Variants in TMPRSS15 observed in about 807,000 individuals in gnomAD.
TMPRSS15 encodes the protein enteropeptidase.
TMPRSS15 carries 128 observed loss-of-function variants against 125.3 expected under a neutral mutation model. The ratio of observed to expected loss-of-function variants is 1.02; its 90% confidence interval spans 0.89 to 1.18. The LOEUF is 1.18. Among genes scored for constraint, TMPRSS15 ranks in the 50% most tolerant of loss-of-function variants. The probability of loss-of-function intolerance (pLI) is 0.00; values close to 1 mark genes in which losing one functional copy is unlikely to be tolerated. For synonymous variants in TMPRSS15, 446 were observed against 423.2 expected, an observed-to-expected ratio of 1.05 and a Z score of -0.66; for missense variants, 1,283 against 1,212.7, an observed-to-expected ratio of 1.06 and a Z score of -0.86.
intron 6 of TMPRSS15, among the ~76,000 whole-genome samples, chr21:18,371,049 G>C (rs1400521015): frequency 2.0e-5 from 3 of 152,026 alleles, no homozygotes; most frequent in African/African-American, 7.2e-5. Context: ...ATATCAGTTA[G>C]ACTTATCCAA....
intron 1 of TMPRSS15, among the ~76,000 whole-genome samples, chr21:18,473,520 T>C: frequency 6.6e-6 from 1 of 152,236 alleles, no homozygotes; most frequent in East Asian, 1.9e-4. Context: ...TATAATATTT[T>C]ACTTTACTAC....
Position 18,403,458 on chromosome 21 carries a change from G to A in TMPRSS15, c.145+20C>T. On this transcript the variant is annotated intron_variant, in intron 1 of 24. Coordinates refer to ENST00000284885, the MANE Select transcript of TMPRSS15 (RefSeq NM_002772.3). ...CATTCAGCTGAGAGCACCTTCACGA[G>A]CCAACTCCATGTGACTTACCTCGTT... The A allele has an allele frequency of 6.2e-7, 1 of 1,614,062 alleles. No homozygotes were observed. The highest frequency in any genetic ancestry group is 1.3e-5 in the African/African-American group (1 of 75,038).
chr21:18,367,287 T>C (rs567361884), intron 6 of TMPRSS15, among the ~76,000 whole-genome samples: 2 of 152,328 alleles, frequency 1.3e-5, no homozygotes, highest in East Asian at 3.9e-4. Context: ...GCCTTATGCA[T>C]AATGATTACT....
At chr21:18,415,525 TG>T (rs1184740120) in intron 1 of TMPRSS15, among the ~76,000 whole-genome samples, 3 of 152,126 alleles carry the variant, frequency 2.0e-5, no homozygotes, top group African/African-American at 7.2e-5. Context: ...GTTTGATTTT[TG>T]TGAGTGGTGT....
At position 18,361,430 on chromosome 21, in the gene TMPRSS15, T is replaced by C. The variant is rs770056360; in HGVS notation, c.774-1567A>G. 2.6e-5 allele frequency among the ~76,000 whole-genome samples: 4 copies of C among 152,126 alleles called. No individual in the cohort carries two copies. In the South Asian group the frequency reaches 8.3e-4, roughly 31 times the overall value. On this transcript the variant is annotated intron_variant, in intron 7 of 24. Transcript: ENST00000284885. ...CCCAGGAAAGGATTAAAAAGGCTAG[T>C]AATACTTAAGAGATTTAGTTTCCAA... is the stretch of plus-strand genomic sequence containing the variant.
chr21:18,403,890 C>T (rs1373458605), upstream of TMPRSS15, among the ~76,000 whole-genome samples: 4 of 152,144 alleles, frequency 2.6e-5, no homozygotes, highest in Non-Finnish European at 5.9e-5. Context: ...ACTACCTGAA[C>T]AGGCCATTTG....
intron 1 of TMPRSS15, among the ~76,000 whole-genome samples, chr21:18,430,100 T>C (rs2076213309): frequency 6.6e-6 from 1 of 152,202 alleles, no homozygotes; most frequent in Non-Finnish European, 1.5e-5. Context: ...TTAGCATCAG[T>C]CTTTGTGAAA....
At chr21:18,277,212 T>C (rs1469474759) in intron 23 of TMPRSS15, among the ~76,000 whole-genome samples, 1 of 152,180 alleles carries the variant, frequency 6.6e-6, no homozygotes. Flanking sequence ...TACAGTTTAT[T>C]TCCTGGCTCC....
chr21:18,394,101 T>C (rs1386390485), intron 3 of TMPRSS15, among the ~76,000 whole-genome samples: 2 of 152,172 alleles, frequency 1.3e-5, no homozygotes, highest in South Asian at 2.1e-4. Context: ...CTCTTTAATA[T>C]ATGTTTTGCC....
At chr21:18,378,324 T>G (rs971249738) in intron 5 of TMPRSS15, among the ~76,000 whole-genome samples, 1 of 151,348 alleles carries the variant, frequency 6.6e-6, no homozygotes, top group Non-Finnish European at 1.5e-5. Context: ...CTTTCTTTTG[T>G]TTTTTGTCAA....
intron 1 of TMPRSS15, among the ~76,000 whole-genome samples, chr21:18,452,110 G>C (rs1978348791): frequency 6.6e-6 from 1 of 152,000 alleles, no homozygotes; most frequent in South Asian, 2.1e-4. Flanking sequence ...TGTGTTCTTG[G>C]GGAGATATTA....
In TMPRSS15 at chr21:18,306,868, T is replaced by C. The variant is rs554879826; in HGVS notation, c.2165+6077A>G. Among the ~76,000 whole-genome samples the C allele has an allele frequency of 8.5e-5, 13 of 152,242 alleles. No homozygotes were observed. The South Asian group carries it at 2.5e-3, about 29-fold the overall frequency. ...AAAGACATGAAAATGTTATTCAAGG[T>C]ACTTTTTATTTATGCATGTAATGAA... On this transcript the variant is annotated intron_variant, in intron 18 of 24. Transcript: ENST00000284885.
intron 1 of TMPRSS15, among the ~76,000 whole-genome samples, chr21:18,461,314 C>A (rs1978546901): frequency 6.6e-6 from 1 of 152,116 alleles, no homozygotes; most frequent in Admixed American, 6.6e-5. Context: ...ATTTTAGTCA[C>A]TTGAAGAAAT....
chr21:18,343,588 T>C lies in TMPRSS15; in HGVS notation c.1346A>G (p.Lys449Arg). 6.2e-7 allele frequency: 1 copy of C among 1,613,090 alleles called. No individual in the cohort carries two copies. The highest frequency in any genetic ancestry group is 1.3e-5 in the African/African-American group (1 of 75,038). The change falls in exon 12 of 25, where the codon AAG becomes AGG. Residue 449 changes from lysine to arginine, a missense_variant. Physicochemically the swap from Lys to Arg is conservative, Grantham distance 26 (BLOSUM62 2). Transcript: ENST00000284885. ...ATTTCCTTCCTTTTGGAAAACTGTC[T>C]TCTCCATATTTTGGTCATTGCTGAT... ...INISNDQNME[K>R]TVFQKEGNYG...
chr21:18,309,878 T>A (rs187532381), intron 18 of TMPRSS15, among the ~76,000 whole-genome samples: 1 of 152,190 alleles, frequency 6.6e-6, no homozygotes, highest in East Asian at 1.9e-4. Context: ...TAATGAATAA[T>A]GAAATTCATT....
intron 1 of TMPRSS15, among the ~76,000 whole-genome samples, chr21:18,460,276 GT>G (rs554661087): frequency 2.1e-4 from 31 of 150,894 alleles, no homozygotes; most frequent in African/African-American, 7.0e-4. Context: ...TTAGCAGTAG[GT>G]TTTTTTTTGG....
rs573835769 is a variant in TMPRSS15, at chr21:18,328,464, A to G, written c.1780+705T>C. On this transcript the variant is annotated intron_variant, in intron 15 of 24. Transcript: ENST00000284885. The stretch of plus-strand genomic sequence containing the variant: ...CTTTGGACATCCGATGTACACATAA[A>G]GAGAACTACATAATGGGTGTCCTTA... Among the ~76,000 whole-genome samples, 11 of 152,338 alleles carry G rather than the reference A, an allele frequency of 7.2e-5. No homozygotes were observed. In the East Asian group the frequency reaches 1.9e-3, roughly 27 times the overall value.
At chr21:18,278,582 A>T (rs1334022343) in intron 23 of TMPRSS15, among the ~76,000 whole-genome samples, 1 of 125,012 alleles carries the variant, frequency 8.0e-6, no homozygotes, top group Admixed American at 8.8e-5. Flanking sequence ...TTAGCCAGGC[A>T]TGGTGGCAGG....
At chr21:18,332,238 A>G in intron 13 of TMPRSS15, 65 bp from the exon 14 acceptor site, 1 of 1,368,960 alleles carries the variant, frequency 7.3e-7, no homozygotes, top group Admixed American at 1.7e-5. Flanking sequence ...ATAATACCAT[A>G]TGCCAGCGAA....
Sources: gnomAD v4.1 joint callset for allele counts (sites outside exome capture counted in the v4.1 genomes callset) on GRCh38, gnomAD v4.1.1 for gene constraint, MANE v1.5 for transcripts, NCBI Gene and HGNC (gene_info 2026-07-23, HGNC 2026-07-21) for gene names.